Variants in TYRP1 observed in about 807,000 individuals in gnomAD.
TYRP1 encodes the protein 5,6-dihydroxyindole-2-carboxylic acid oxidase.
In TYRP1, 49 loss-of-function variants were observed where a neutral mutation model predicts 42.8. That is an observed-to-expected ratio of 1.14 (90% CI 0.91 to 1.45). The LOEUF (loss-of-function observed/expected upper bound fraction) is 1.45, where lower values mean the gene tolerates loss of function less well. TYRP1 is among the 40% of genes most tolerant of loss of function. TYRP1 has a pLI of 0.00. For missense variants in TYRP1, 848 were observed against 662.0 expected, an observed-to-expected ratio of 1.28 and a Z score of -3.08; for synonymous variants, 279 against 235.4, an observed-to-expected ratio of 1.19 and a Z score of -1.69.
intron 3 of TYRP1, among the ~76,000 whole-genome samples, chr9:12,696,692 A>ATTCT (rs1234395876): frequency 6.6e-6 from 1 of 152,132 alleles, no homozygotes; most frequent in East Asian, 1.9e-4. Context: ...AGTTACGTAG[A>ATTCT]TTCTTTACTC....
rs774778548 is a variant in TYRP1, at chr9:12,707,098, CATTCA to C, written c.1262-889_1262-885del. Among the ~76,000 whole-genome samples the C allele has an allele frequency of 3.9e-5, 6 of 152,070 alleles. No individual in the cohort carries two copies. The East Asian group carries it at 7.8e-4, about 20-fold the overall frequency. ...TACTAACATTTCTGATCTATATACA[CATTCA>C]ATTCAATTCCTTCTCTTTTATTTCA... is the stretch of plus-strand genomic sequence containing the variant. On this transcript the variant is annotated intron_variant, in intron 6 of 7. Coordinates refer to ENST00000388918, the MANE Select transcript of TYRP1 (RefSeq NM_000550.3).
intron 6 of TYRP1, among the ~76,000 whole-genome samples, chr9:12,706,314 T>C (rs1028919269): frequency 4.6e-5 from 7 of 151,980 alleles, no homozygotes; most frequent in Admixed American, 3.3e-4. Flanking sequence ...GCAAGTCTCT[T>C]AAGTGGAGTT....
intron 4 of TYRP1, among the ~76,000 whole-genome samples, chr9:12,701,196 C>A (rs2118243423): frequency 6.6e-6 from 1 of 152,088 alleles, no homozygotes; most frequent in African/African-American, 2.4e-5. Context: ...TCACACATAA[C>A]TTTCTTATCT....
At chr9:12,701,926 G>C (rs149132731) in intron 4 of TYRP1, 320 of 232,978 alleles carry the variant, frequency 1.4e-3, no homozygotes, top group African/African-American at 6.9e-3. Context: ...AGATTTATGA[G>C]ATTATTTTGG....
intron 7 of TYRP1, 62 bp downstream of exon 7, chr9:12,708,205 A>T: frequency 1.3e-6 from 2 of 1,580,458 alleles, no homozygotes. Context: ...TTATCTTTCA[A>T]GTAGAGTAAT....
chr9:12,700,101 A>G (rs545027854), intron 4 of TYRP1: 1 of 152,232 alleles, frequency 6.6e-6, no homozygotes, highest in African/African-American at 2.4e-5. Flanking sequence ...AGGCAAAGGA[A>G]AGGGAAAAAC....
At position 12,709,288 on chromosome 9, in the gene TYRP1, ATACAAG is replaced by A; in HGVS notation, c.*107_*112del. ...CTTTCACTTTATTACCTTCTTTCTA[ATACAAG>A]CATATGTTAGCATTAAAGTTCTAGG... On this transcript the variant is annotated 3_prime_UTR_variant, in exon 8 of 8. Transcript: ENST00000388918. The A allele has an allele frequency of 8.7e-7, 1 of 1,145,924 alleles. No individual in the cohort carries two copies. The highest frequency in any genetic ancestry group is 1.3e-6 in the Non-Finnish European group (1 of 773,044). The allele number at this position is 1,145,924 out of a possible 1,614,324, so 71.0% of individuals were successfully genotyped here.
chr9:12,702,510 T>G, intron 5 of TYRP1, 72 bp downstream of exon 5: 2 of 1,481,260 alleles, frequency 1.4e-6, no homozygotes, highest in Non-Finnish European at 1.9e-6. Flanking sequence ...AAAGCAAGTT[T>G]CTTTGAGAAG....
chr9:12,703,765 C>G (rs974050466), intron 5 of TYRP1, among the ~76,000 whole-genome samples: 2 of 151,832 alleles, frequency 1.3e-5, no homozygotes. Flanking sequence ...TCCCTGATCT[C>G]AACCCTCTGG....
rs1563855103 is a variant in TYRP1, at chr9:12,702,416, C to T, written c.1059C>T (p.Asn353=). ...DTPPFYSNST[N]SFRNTVEGYS... ...CTCCTTTTTATTCCAACTCTACAAA[C>T]AGTTTCCGAAACACAGTGGAAGGCA... Residue 353 remains asparagine (N), a synonymous_variant, in exon 5 of 8, where the codon AAC becomes AAT. Coordinates refer to ENST00000388918, the MANE Select transcript of TYRP1 (RefSeq NM_000550.3). The T allele has an allele frequency of 1.2e-5, 20 of 1,612,854 alleles. No homozygotes were observed. Among genetic ancestry groups the T allele is most frequent in the Non-Finnish European group, 1.6e-5 (19 of 1,179,276 alleles).
At chr9:12,707,603 AAGGGATAAC>A (rs1431060489) in intron 6 of TYRP1, 1 of 194,784 alleles carries the variant, frequency 5.1e-6, no homozygotes, top group African/African-American at 2.4e-5. Flanking sequence ...AGTAAGGTCA[AAGGGATAAC>A]AGGAGGCAGA....
chr9:12,708,622 T>C (rs1202722121), intron 7 of TYRP1, among the ~76,000 whole-genome samples: 1 of 151,964 alleles, frequency 6.6e-6, no homozygotes, highest in Non-Finnish European at 1.5e-5. Context: ...GTTTAAATCT[T>C]TTCCCCAACA....
chr9:12,699,530 C>G (rs1219356793), intron 4 of TYRP1, among the ~76,000 whole-genome samples: 1 of 15,672 alleles, frequency 6.4e-5, no homozygotes, highest in Non-Finnish European at 1.3e-4. Context: ...TTTTATGCAT[C>G]AAGTATTATT....
At chr9:12,706,823 A>G (rs1224088035) in intron 6 of TYRP1, among the ~76,000 whole-genome samples, 1 of 152,026 alleles carries the variant, frequency 6.6e-6, no homozygotes. Context: ...TGTTTAAAAT[A>G]AGTCTAGGAG....
chr9:12,696,569 A>G (rs1818082532), intron 3 of TYRP1, among the ~76,000 whole-genome samples: 1 of 152,142 alleles, frequency 6.6e-6, no homozygotes, highest in Admixed American at 6.5e-5. Flanking sequence ...GTCAGGCAAT[A>G]TTTTTAGTGA....
intron 5 of TYRP1, among the ~76,000 whole-genome samples, chr9:12,704,302 C>A (rs1818223086): frequency 6.6e-6 from 1 of 151,852 alleles, no homozygotes; most frequent in African/African-American, 2.4e-5. Flanking sequence ...AACCTGGAGG[C>A]TACATTTAGA....
In TYRP1 at chr9:12,709,254, C is replaced by A; in HGVS notation, c.*72C>A. ...TGAATATAATAGATTGAGTTATTAACTGTATTTTCTTTCACTTTATTACCT... is the reference window on the plus strand; with the variant it reads ...TGAATATAATAGATTGAGTTATTAAATGTATTTTCTTTCACTTTATTACCT... On this transcript the variant is annotated 3_prime_UTR_variant, in exon 8 of 8. Coordinates refer to ENST00000388918, the MANE Select transcript of TYRP1 (RefSeq NM_000550.3). 7.1e-7 allele frequency: 1 copy of A among 1,414,116 alleles called. No homozygotes were observed. The highest frequency in any genetic ancestry group is 1.0e-6 in the Non-Finnish European group (1 of 1,002,908). The allele number at this position is 1,414,116 out of a possible 1,614,324, so 87.6% of individuals were successfully genotyped here. A position where few individuals can be genotyped will look rare whatever the true frequency, so the allele number is the denominator to read the frequency against.
intron 6 of TYRP1, among the ~76,000 whole-genome samples, chr9:12,706,736 A>G (rs1818264874): frequency 6.6e-6 from 1 of 152,062 alleles, no homozygotes; most frequent in African/African-American, 2.4e-5. Flanking sequence ...TCAGTGTCAT[A>G]AAACAACTGT....
At chr9:12,706,716 G>T (rs41314232) in intron 6 of TYRP1, among the ~76,000 whole-genome samples, 3 of 151,872 alleles carry the variant, frequency 2.0e-5, no homozygotes, top group Non-Finnish European at 4.4e-5. Flanking sequence ...CTGCAAATAC[G>T]TTTTAGAAAT....
Sources: allele counts gnomAD v4.1 joint callset (sites outside exome capture counted in the v4.1 genomes callset), GRCh38; gene constraint gnomAD v4.1.1; transcripts MANE v1.5; gene names NCBI Gene and HGNC (gene_info 2026-07-23, HGNC 2026-07-21).